ZNF724: variants seen among roughly 807,000 people sequenced by gnomAD.
ZNF724 encodes the protein zinc finger protein 724 pseudogene.
Under a neutral mutation model 29.3 loss-of-function variants are expected in ZNF724, and 14 were observed. That is an observed-to-expected ratio of 0.48 (90% CI 0.32 to 0.75). The LOEUF (loss-of-function observed/expected upper bound fraction) is 0.75. Ranked by LOEUF, ZNF724 falls within the 30% of genes least tolerant of loss-of-function variation. The pLI is 0.04. For synonymous variants in ZNF724, 180 were observed against 193.6 expected (o/e 0.93, Z 0.58); for missense variants, 557 against 571.2 (o/e 0.98, Z 0.25).
chr19:23,231,622 C>T (rs952424679), intron 2 of ZNF724, among the ~76,000 whole-genome samples: 1 of 151,940 alleles, frequency 6.6e-6, no homozygotes, highest in Admixed American at 6.6e-5. Context: ...CTGGAATTAC[C>T]ACTAATTTAG....
At chr19:23,241,706 C>T (rs1302210061) in intron 1 of ZNF724, among the ~76,000 whole-genome samples, 2 of 152,002 alleles carry the variant, frequency 1.3e-5, no homozygotes, top group African/African-American at 2.4e-5. Flanking sequence ...TGCATAAAAC[C>T]CTCAACAAAC....
intron 1 of ZNF724, among the ~76,000 whole-genome samples, chr19:23,244,477 A>C (rs923113034): frequency 3.3e-5 from 5 of 152,162 alleles, no homozygotes; most frequent in Admixed American, 1.3e-4. Context: ...CTAAGTTTTC[A>C]GTCCTCTCTC....
In ZNF724 at chr19:23,249,010, C is replaced by CA. The variant is rs957715552; in HGVS notation, c.3+1229dup. On this transcript the variant is annotated intron_variant, in intron 1 of 3. Coordinates refer to ENST00000418100, the MANE Select transcript of ZNF724 (RefSeq NM_001355404.2). ...CAAAAAAACAAAACAAACAAACAAA[C>CA]AAAAAAAACTAAGAAGAAGAAAAGA... Among the ~76,000 whole-genome samples, 4 of 117,032 alleles carry CA rather than the reference C, an allele frequency of 3.4e-5. 1 individual carries two copies. Among genetic ancestry groups the CA allele is most frequent in the Admixed American group, 1.0e-4 (1 of 9,630 alleles). The allele number at this position is 117,032 out of a possible 152,430, so 76.8% of individuals were successfully genotyped here.
At chr19:23,237,952 C>G (rs1409014172) in intron 1 of ZNF724, among the ~76,000 whole-genome samples, 2 of 152,136 alleles carry the variant, frequency 1.3e-5, no homozygotes, top group African/African-American at 4.8e-5. Context: ...AAGAAACTTC[C>G]TCTGCATCTT....
intron 3 of ZNF724, among the ~76,000 whole-genome samples, chr19:23,224,443 T>C (rs1381031076): frequency 4.6e-5 from 7 of 151,462 alleles, no homozygotes; most frequent in African/African-American, 1.7e-4. Context: ...AAAAACTGCA[T>C]AACAAAATAC....
intron 1 of ZNF724, among the ~76,000 whole-genome samples, chr19:23,241,391 T>C (rs996117831): frequency 6.6e-6 from 1 of 152,168 alleles, no homozygotes; most frequent in Non-Finnish European, 1.5e-5. Flanking sequence ...CCCCAGCTCA[T>C]TATATAATAG....
At chr19:23,229,938 C>G (rs1202399315) in intron 3 of ZNF724, among the ~76,000 whole-genome samples, 1 of 151,954 alleles carries the variant, frequency 6.6e-6, no homozygotes, top group East Asian at 1.9e-4. Flanking sequence ...AAATTGAAGA[C>G]AAATAGGTAA....
rs1373340874 is a variant in ZNF724 at position 23,231,363 on chromosome 19, T to TG, written c.131-3dup. 1 of 1,372,912 alleles carries TG rather than the reference T, an allele frequency of 7.3e-7. No homozygotes were observed. Among genetic ancestry groups the TG allele is most frequent in the African/African-American group, 1.4e-5 (1 of 70,242 alleles). 85.0% of individuals were successfully genotyped at this position (1,372,912 alleles called of 1,614,324 possible). A position where few individuals can be genotyped will look rare whatever the true frequency, so the allele number is the denominator to read the frequency against. On this transcript the variant is annotated splice_polypyrimidine_tract_variant and splice_region_variant and intron_variant, in intron 2 of 3. Transcript: ENST00000418100. ...GGTCTGGCTTAGAGACAGCAATACC[T>TG]GTTTTATTAAAAATAAATAACATGA...
intron 1 of ZNF724, among the ~76,000 whole-genome samples, chr19:23,248,910 A>T (rs901144302): frequency 1.3e-5 from 2 of 151,996 alleles, no homozygotes; most frequent in East Asian, 3.9e-4. Context: ...CAGGAGAATC[A>T]CTTGAACCCG....
Position 23,222,955 on chromosome 19 carries a change from G to T in ZNF724, c.1290C>A (p.Ala430=). 1.5e-6 allele frequency: 2 copies of T among 1,358,596 alleles called. No individual in the cohort carries two copies. Among genetic ancestry groups the T allele is most frequent in the Non-Finnish European group, 2.1e-6 (2 of 953,860 alleles). The allele number at this position is 1,358,596 out of a possible 1,614,324, so 84.2% of individuals were successfully genotyped here. The change falls in exon 4 of 4, where the codon GCC becomes GCA. Residue 430 remains alanine (A), a synonymous_variant. Coordinates refer to ENST00000418100, the MANE Select transcript of ZNF724 (RefSeq NM_001355404.2). ...TAGTAAGTTGTGAGAACTGGTTAAA[G>T]GCTTTGCCACATTCTTCACATTTGT... ...KPYKCEECGK[A]FNQFSQLTTH... is the part of the protein sequence containing the mutation.
At chr19:23,228,524 G>A in intron 3 of ZNF724, among the ~76,000 whole-genome samples, 1 of 150,396 alleles carries the variant, frequency 6.6e-6, no homozygotes, top group Non-Finnish European at 1.5e-5. Flanking sequence ...GACTGAGGCG[G>A]GTGTCGATCA....
chr19:23,246,326 G>A (rs1972232808), intron 1 of ZNF724, among the ~76,000 whole-genome samples: 1 of 152,078 alleles, frequency 6.6e-6, no homozygotes, highest in Admixed American at 6.6e-5. Flanking sequence ...TTAGTCATAT[G>A]GGGACACCTC....
chr19:23,233,394 G>A lies in ZNF724; in HGVS notation c.4-1101C>T, dbSNP rs117532917. Among the ~76,000 whole-genome samples the A allele has an allele frequency of 4.4e-3, 667 of 151,280 alleles. 25 individuals carry two copies. The East Asian group carries it at 0.1, about 23-fold the overall frequency. On this transcript the variant is annotated intron_variant, in intron 1 of 3. Transcript: ENST00000418100. Reference sequence around the variant, plus strand: ...GTTTAAATAAGCATTTTCTTAATTCGGTTCTGCATAGGGCTAATAGCAAAC... The same window carrying A: ...GTTTAAATAAGCATTTTCTTAATTCAGTTCTGCATAGGGCTAATAGCAAAC...
chr19:23,230,166 C>A (rs970369207), intron 3 of ZNF724, among the ~76,000 whole-genome samples: 1 of 151,844 alleles, frequency 6.6e-6, no homozygotes, highest in Non-Finnish European at 1.5e-5. Context: ...TTTCTTAGAA[C>A]AAATTTAACC....
intron 1 of ZNF724, among the ~76,000 whole-genome samples, chr19:23,241,072 A>G (rs1056513759): frequency 2.6e-5 from 4 of 152,014 alleles, no homozygotes; most frequent in African/African-American, 7.3e-5. Context: ...AAGACTACAG[A>G]GACATTACCT....
chr19:23,233,415 C>T (rs974850514), intron 1 of ZNF724, among the ~76,000 whole-genome samples: 1 of 151,896 alleles, frequency 6.6e-6, no homozygotes, highest in Non-Finnish European at 1.5e-5. Context: ...GGGCTAATAG[C>T]AAACACAAAT....
At position 23,231,044 on chromosome 19, in the gene ZNF724, C is replaced by T. The variant is rs530401834; in HGVS notation, c.226+222G>A. The T allele has an allele frequency of 5.5e-4, 148 of 269,774 alleles. 2 individuals are homozygous for T. In the South Asian group the frequency reaches 6.4e-3, roughly 12 times the overall value. The allele number at this position is 269,774 out of a possible 1,614,324, so 16.7% of individuals were successfully genotyped here. A position where few individuals can be genotyped will look rare whatever the true frequency, so the allele number is the denominator to read the frequency against. On this transcript the variant is annotated intron_variant, in intron 3 of 3. Transcript: ENST00000418100. The stretch of plus-strand genomic sequence containing the variant: ...GACTACAGGCATGCGCCACCACACC[C>T]AGCTAATTTTGTATTTTTAGTAAAG...
In ZNF724 at chr19:23,222,281, G is replaced by A. The variant is rs753696808; in HGVS notation, c.*104C>T. On this transcript the variant is annotated 3_prime_UTR_variant, in exon 4 of 4. Transcript: ENST00000418100. ...CGGTTTCTCTCCAGTAATTCTCTTC[G>A]TTGGCCAGGATGGTCTCAATCTCTT... 2.1e-5 allele frequency: 13 copies of A among 615,758 alleles called. No individual in the cohort carries two copies. The highest frequency in any genetic ancestry group is 4.1e-5 in the South Asian group (2 of 48,656). 38.1% of individuals were successfully genotyped at this position (615,758 alleles called of 1,614,324 possible). A position where few individuals can be genotyped will look rare whatever the true frequency, so the allele number is the denominator to read the frequency against.
rs1033125945 is a variant in ZNF724 at position 23,250,331 on chromosome 19, G to A, written c.-89C>T. 1.8e-6 allele frequency: 1 copy of A among 542,610 alleles called. No individual in the cohort carries two copies. Among genetic ancestry groups the A allele is most frequent in the Non-Finnish European group, 3.7e-6 (1 of 271,166 alleles). 33.6% of individuals were successfully genotyped at this position (542,610 alleles called of 1,614,324 possible). On this transcript the variant is annotated 5_prime_UTR_variant, in exon 1 of 4. Transcript: ENST00000418100. The stretch of plus-strand genomic sequence containing the variant: ...AGGGCCACAGAGGCTGGGCCTCTAA[G>A]AGCAGGGGACACAAAGCAGGGAAGA...
Sources: gnomAD v4.1 joint callset for allele counts (sites outside exome capture counted in the v4.1 genomes callset) on GRCh38, gnomAD v4.1.1 for gene constraint, MANE v1.5 for transcripts, NCBI Gene and HGNC (gene_info 2026-07-23, HGNC 2026-07-21) for gene names.